FAF1: variants seen among roughly 807,000 people sequenced by gnomAD.
FAF1 encodes the protein Fas associated factor 1.
A neutral mutation model predicts 92.5 loss-of-function variants in FAF1; 25 were observed. The ratio of observed to expected loss-of-function variants is 0.27; its 90% CI spans 0.20 to 0.38. FAF1 has a LOEUF of 0.38. FAF1 is among the 10% of genes least tolerant of loss of function. The probability of loss-of-function intolerance (pLI) is 1.00; values close to 1 mark genes in which losing one functional copy is unlikely to be tolerated. For missense variants in FAF1, 636 were observed against 793.3 expected, an observed-to-expected ratio of 0.80 and a Z score of 2.38; for synonymous variants, 234 against 273.2, an observed-to-expected ratio of 0.86 and a Z score of 1.42.
chr1:50,593,564 A>G (rs545155713), intron 9 of FAF1, among the ~76,000 whole-genome samples: 11 of 152,346 alleles, frequency 7.2e-5, no homozygotes, highest in Admixed American at 6.5e-4. Flanking sequence ...GTGAAACTCA[A>G]TATTATCTTT....
intron 2 of FAF1, among the ~76,000 whole-genome samples, chr1:50,816,200 T>C: frequency 6.8e-6 from 1 of 147,048 alleles, no homozygotes; most frequent in Non-Finnish European, 1.5e-5. Context: ...TTTTTTTTCC[T>C]TTTTCTTTTT....
chr1:50,740,349 TAGAG>T (rs1249551253), intron 5 of FAF1, among the ~76,000 whole-genome samples: 1 of 151,990 alleles, frequency 6.6e-6, no homozygotes, highest in Admixed American at 6.6e-5. Context: ...TGAGAATATA[TAGAG>T]AAAGAATATA....
At chr1:50,778,785 A>G (rs766646383) in intron 4 of FAF1, among the ~76,000 whole-genome samples, 22 of 151,956 alleles carry the variant, frequency 1.4e-4, no homozygotes, top group Admixed American at 3.3e-4. Flanking sequence ...GTGCCACTGC[A>G]CTTCAGCCTG....
In FAF1 at chr1:50,954,540, ATT is replaced by A. The variant is rs199964324; in HGVS notation, c.45+5225_45+5226del. Among the ~76,000 whole-genome samples the A allele has an allele frequency of 9.9e-3, 1,189 of 120,360 alleles. 13 individuals are homozygous for A. The highest frequency in any genetic ancestry group is 0.029 in the African/African-American group (917 of 31,628). The allele number at this position is 120,360 out of a possible 152,430, so 79.0% of individuals were successfully genotyped here. On this transcript the variant is annotated intron_variant, in intron 1 of 18. Transcript: ENST00000396153. The stretch of plus-strand genomic sequence containing the variant: ...AACAATAAAAAAATAAAAAATTTTG[ATT>A]TTTTTTTTTTTTTTTTTTGAGAGAG...
intron 18 of FAF1, among the ~76,000 whole-genome samples, chr1:50,464,682 A>C (rs1158521936): frequency 6.6e-6 from 1 of 152,084 alleles, no homozygotes; most frequent in African/African-American, 2.4e-5. Flanking sequence ...GCCATTACCA[A>C]CTCAAATGGC....
chr1:50,874,758 CTTTTTTTTTTTTTTT>C (rs755424291), intron 1 of FAF1, among the ~76,000 whole-genome samples: 6 of 67,226 alleles, frequency 8.9e-5, no homozygotes, highest in Admixed American at 2.1e-4. Context: ...TCTTTTCTTT[CTTTTTTTTTTTTTTT>C]TTTTTTTTTT....
intron 6 of FAF1, among the ~76,000 whole-genome samples, chr1:50,719,146 A>G (rs1658307595): frequency 6.6e-6 from 1 of 152,240 alleles, no homozygotes; most frequent in African/African-American, 2.4e-5. Context: ...TGTCTCAGGA[A>G]CAGCATAAAA....
intron 13 of FAF1, among the ~76,000 whole-genome samples, chr1:50,552,093 G>A (rs1457694556): frequency 6.6e-6 from 1 of 152,020 alleles, no homozygotes; most frequent in Non-Finnish European, 1.5e-5. Context: ...TCAGGAGTCC[G>A]AGACCAGCCT....
intron 18 of FAF1, among the ~76,000 whole-genome samples, chr1:50,466,367 A>C (rs968119689): frequency 6.6e-6 from 1 of 152,236 alleles, no homozygotes; most frequent in Non-Finnish European, 1.5e-5. Context: ...AGTAGGAATC[A>C]GGAATTAAGT....
At chr1:50,450,718 A>G (rs116276287) in intron 18 of FAF1, among the ~76,000 whole-genome samples, 212 of 152,246 alleles carry the variant, frequency 1.4e-3, no homozygotes, top group Non-Finnish European at 2.4e-3. Context: ...TCAGAGGGGG[A>G]ACTTAGGGGA....
At chr1:50,851,338 G>A (rs1032982719) in intron 2 of FAF1, among the ~76,000 whole-genome samples, 1 of 152,134 alleles carries the variant, frequency 6.6e-6, no homozygotes, top group Non-Finnish European at 1.5e-5. Context: ...TTCCCAAAGT[G>A]CTGGGCCTAT....
intron 7 of FAF1, among the ~76,000 whole-genome samples, chr1:50,656,086 C>T (rs993923394): frequency 1.3e-5 from 2 of 152,066 alleles, no homozygotes; most frequent in East Asian, 1.9e-4. Context: ...AATCCCAGGA[C>T]GTTGGGAGGC....
At chr1:50,911,647 A>G (rs1644886630) in intron 1 of FAF1, among the ~76,000 whole-genome samples, 1 of 151,994 alleles carries the variant, frequency 6.6e-6, no homozygotes, top group Non-Finnish European at 1.5e-5. Context: ...CAGTGTGCCA[A>G]GATGTTGCCA....
chr1:50,627,664 C>T (rs1653567929), intron 8 of FAF1, among the ~76,000 whole-genome samples: 1 of 152,082 alleles, frequency 6.6e-6, no homozygotes, highest in Admixed American at 6.6e-5. Flanking sequence ...CAAAACTAAT[C>T]TATGGTCTTA....
intron 18 of FAF1, among the ~76,000 whole-genome samples, chr1:50,465,013 T>C (rs1430608097): frequency 6.6e-6 from 1 of 152,230 alleles, no homozygotes; most frequent in East Asian, 1.9e-4. Context: ...TATCATCTCA[T>C]TTTAAAGACT....
intron 1 of FAF1, among the ~76,000 whole-genome samples, chr1:50,892,879 T>C (rs1390026936): frequency 2.0e-5 from 3 of 152,134 alleles, no homozygotes; most frequent in Admixed American, 6.5e-5. Context: ...CTTCATTCTT[T>C]TTTATTCTTT....
At chr1:50,653,002 A>C (rs577946269) in intron 8 of FAF1, among the ~76,000 whole-genome samples, 1 of 152,300 alleles carries the variant, frequency 6.6e-6, no homozygotes, top group African/African-American at 2.4e-5. Context: ...TTCTTCTATT[A>C]ATATTACTAT....
intron 8 of FAF1, among the ~76,000 whole-genome samples, chr1:50,596,634 A>G (rs928744774): frequency 2.0e-5 from 3 of 152,226 alleles, no homozygotes; most frequent in Admixed American, 1.3e-4. Flanking sequence ...TAAGATACAT[A>G]TATCAGAAAT....
chr1:50,617,700 T>C (rs1009491494), intron 8 of FAF1, among the ~76,000 whole-genome samples: 1 of 151,404 alleles, frequency 6.6e-6, no homozygotes, highest in Non-Finnish European at 1.5e-5. Context: ...TCTGTTTTTT[T>C]TTTTTTTTTT....
Sources: allele counts gnomAD v4.1 joint callset (sites outside exome capture counted in the v4.1 genomes callset), GRCh38; gene constraint gnomAD v4.1.1; transcripts MANE v1.5; gene names NCBI Gene and HGNC (gene_info 2026-07-23, HGNC 2026-07-21).